The following ZFX variants were observed in gnomAD, a reference collection of about 807,000 sequenced individuals.
ZFX encodes zinc finger protein X-linked.
For synonymous variants in ZFX, 196 were observed against 226.8 expected (o/e 0.86, Z 1.22); for missense variants, 362 against 628.3 (o/e 0.58, Z 4.53).
intron 5 of ZFX, among the ~76,000 whole-genome samples, chrX:24,198,340 C>A (rs1937056217): frequency 2.7e-5 from 3 of 111,091 alleles, no homozygotes; most frequent in Non-Finnish European, 3.8e-5. Flanking sequence ...GCAGCTGGGA[C>A]CACAGCCCCA....
At chrX:24,150,631 G>C (rs1262784335) in intron 1 of ZFX, 1 of 113,357 alleles carries the variant, frequency 8.8e-6, no homozygotes, top group African/African-American at 3.2e-5. Context: ...CCCCGCGCCT[G>C]TAGCCACCCG....
intron 5 of ZFX, among the ~76,000 whole-genome samples, chrX:24,202,131 A>G (rs752050426): frequency 8.9e-6 from 1 of 111,990 alleles, no homozygotes; most frequent in Non-Finnish European, 1.9e-5. Flanking sequence ...TCAGAAGGAT[A>G]GCATGTTTCT....
chrX:24,167,705 TGA>T (rs1934135958), intron 3 of ZFX, among the ~76,000 whole-genome samples: 1 of 112,209 alleles, frequency 8.9e-6, no homozygotes, highest in African/African-American at 3.2e-5. Context: ...AGGGATTCTC[TGA>T]GAGTGTAGTA....
intron 3 of ZFX, among the ~76,000 whole-genome samples, chrX:24,168,671 CTTTTTTT>C (rs141296315): frequency 1.2e-5 from 1 of 83,268 alleles, no homozygotes; most frequent in Non-Finnish European, 2.3e-5. Flanking sequence ...TTCTTTCTTT[CTTTTTTT>C]TTTTTTTTTT....
At chrX:24,156,622 C>T (rs201241471) in intron 3 of ZFX, among the ~76,000 whole-genome samples, 1 of 107,944 alleles carries the variant, frequency 9.3e-6, no homozygotes, top group East Asian at 2.9e-4. Context: ...GTCTGTTTGC[C>T]TATCTCTATA....
chrX:24,151,003 TTTTTA>T (rs756248942), intron 1 of ZFX, among the ~76,000 whole-genome samples: 2 of 111,928 alleles, frequency 1.8e-5, no homozygotes, highest in South Asian at 3.7e-4. Context: ...AGGGCAGACT[TTTTTA>T]TTTTCTTATT....
Position 24,174,551 on chromosome X carries a change from G to A in ZFX, c.58+1751G>A, listed in dbSNP as rs12560199. Among the ~76,000 whole-genome samples the A allele has an allele frequency of 9.6e-3, 1,035 of 107,801 alleles. 41 individuals carry two copies. The highest frequency in any genetic ancestry group is 0.091 in the Admixed American group (903 of 9,962). The allele number at this position is 107,801 out of a possible 115,157, so 93.6% of individuals were successfully genotyped here. ...TGGGACTACAGGTGTGCACCACCACGCCCAGCTAATTTTTTTGTATTTTTA... is the reference window on the plus strand; with the variant it reads ...TGGGACTACAGGTGTGCACCACCACACCCAGCTAATTTTTTTGTATTTTTA... On this transcript the variant is annotated intron_variant, in intron 4 of 9. Coordinates refer to ENST00000304543, the MANE Select transcript of ZFX (RefSeq NM_003410.4).
At chrX:24,173,052 T>C (rs1934776781) in intron 4 of ZFX, 1 of 280,459 alleles carries the variant, frequency 3.6e-6, no homozygotes, top group Admixed American at 5.9e-5. Flanking sequence ...ATGAAGATAA[T>C]ATCTTGACGA....
Position 24,211,438 on chromosome X carries a change from C to CCAAT in ZFX, c.*65_*68dup, listed in dbSNP as rs1357783913. 1.4e-4 allele frequency: 158 copies of CCAAT among 1,110,051 alleles called. 1 individual carries two copies. In the South Asian group the frequency reaches 2.7e-3, roughly 19 times the overall value. 91.5% of individuals were successfully genotyped at this position (1,110,051 alleles called of 1,213,427 possible). On this transcript the variant is annotated 3_prime_UTR_variant, in exon 10 of 10. Coordinates refer to ENST00000304543, the MANE Select transcript of ZFX (RefSeq NM_003410.4). ...TTGAAGCAGAAAATTCATTTTAAAG[C>CCAAT]CAATCAGTCTCATTCACATACAATA...
intron 3 of ZFX, among the ~76,000 whole-genome samples, chrX:24,163,837 AAAG>A (rs1215962967): frequency 0.017 from 1,318 of 77,620 alleles, 26 homozygotes; most frequent in South Asian, 0.086. Context: ...CTTTTAAAAA[AAAG>A]AAAAAAAAAA....
At chrX:24,154,099 A>G (rs1280432883) in intron 3 of ZFX, among the ~76,000 whole-genome samples, 2 of 112,021 alleles carry the variant, frequency 1.8e-5, no homozygotes, top group East Asian at 5.5e-4. Context: ...AAGGAAGTAT[A>G]CTCTAAGGAA....
chrX:24,155,427 T>G lies in ZFX; in HGVS notation c.-29+2597T>G, dbSNP rs187253090. ...TTTCAGTGTATAAATAAATATACTG[T>G]GGTTTATTTATCTTTTCTTCTTGGA... On this transcript the variant is annotated intron_variant, in intron 3 of 9. Transcript: ENST00000304543. 5.1e-3 allele frequency among the ~76,000 whole-genome samples: 570 copies of G among 111,996 alleles called. 3 individuals carry two copies. Among genetic ancestry groups the G allele is most frequent in the Non-Finnish European group, 9.4e-3 (502 of 53,206 alleles).
intron 6 of ZFX, 102 bp downstream of exon 6, chrX:24,207,577 T>C: frequency 4.4e-6 from 5 of 1,128,149 alleles, no homozygotes; most frequent in Non-Finnish European, 5.9e-6. Context: ...TCTTCTGAAG[T>C]AACTTTTATG....
chrX:24,211,157 G>A lies in ZFX; in HGVS notation c.2199G>A (p.Glu733=), dbSNP rs751969128. Residue 733 remains glutamate, a synonymous_variant, in exon 10 of 10, where the codon GAG becomes GAA. Transcript: ENST00000304543. The part of the protein sequence containing the change: ...RCRKGFRQQS[E]LKKHMKTHSG... ...GAAAGGGATTTAGGCAACAGAGTGA[G>A]CTTAAAAAGCATATGAAGACACACA... 6.6e-6 allele frequency: 8 copies of A among 1,212,258 alleles called. No individual in the cohort carries two copies. Among genetic ancestry groups the A allele is most frequent in the Non-Finnish European group, 8.9e-6 (8 of 895,678 alleles).
At chrX:24,186,845 C>G (rs184075426) in intron 5 of ZFX, among the ~76,000 whole-genome samples, 20 of 111,548 alleles carry the variant, frequency 1.8e-4, no homozygotes, top group Middle Eastern at 9.3e-3. Context: ...AGGACAGGAA[C>G]TATTTACTGC....
chrX:24,188,068 C>T (rs970420295), intron 5 of ZFX, among the ~76,000 whole-genome samples: 1 of 109,452 alleles, frequency 9.1e-6, no homozygotes, highest in Non-Finnish European at 1.9e-5. Context: ...GCTACTCAGG[C>T]GGCTGAGTCA....
At chrX:24,168,714 C>T (rs1157654620) in intron 3 of ZFX, among the ~76,000 whole-genome samples, 1 of 103,086 alleles carries the variant, frequency 9.7e-6, no homozygotes, top group African/African-American at 3.5e-5. Flanking sequence ...ACAGTCTGTT[C>T]CCAAAAACTA....
chrX:24,182,932 C>A (rs931201320), intron 5 of ZFX, among the ~76,000 whole-genome samples: 3 of 111,349 alleles, frequency 2.7e-5, no homozygotes, highest in Non-Finnish European at 5.7e-5. Context: ...GACAGGAAGA[C>A]AGTTAAGGAT....
intron 5 of ZFX, among the ~76,000 whole-genome samples, chrX:24,201,088 T>G (rs1362390911): frequency 3.6e-5 from 4 of 112,210 alleles, no homozygotes. Flanking sequence ...TTTTAGAAAT[T>G]CATTTTTAAT....
Sources: allele counts gnomAD v4.1 joint callset (sites outside exome capture counted in the v4.1 genomes callset), GRCh38; gene constraint gnomAD v4.1.1; transcripts MANE v1.5; gene names NCBI Gene and HGNC (gene_info 2026-07-23, HGNC 2026-07-21).